The following CADPS2 variants were observed in gnomAD, a reference collection of about 807,000 sequenced individuals.
The protein encoded by CADPS2 is calcium dependent secretion activator 2.
Under a neutral mutation model 172.5 loss-of-function variants are expected in CADPS2, and 93 were observed. The observed-to-expected ratio is 0.54, with a 90% CI of 0.46 to 0.64. The LOEUF (loss-of-function observed/expected upper bound fraction) is 0.64, where lower values mean the gene tolerates loss of function less well. Ranked by LOEUF, CADPS2 falls within the 30% of genes least tolerant of loss-of-function variation. CADPS2 has a pLI of 0.00. For synonymous variants in CADPS2, 546 were observed against 555.2 expected (o/e 0.98, Z 0.23); for missense variants, 1,420 against 1,565.9 (o/e 0.91, Z 1.57).
At chr7:122,384,354 TA>T (rs1163270584) in intron 24 of CADPS2, among the ~76,000 whole-genome samples, 1 of 152,104 alleles carries the variant, frequency 6.6e-6, no homozygotes, top group Non-Finnish European at 1.5e-5. Flanking sequence ...CTTTATAATT[TA>T]GAAAAAACAT....
At chr7:122,375,571 A>C (rs2042242811) in intron 25 of CADPS2, among the ~76,000 whole-genome samples, 1 of 152,084 alleles carries the variant, frequency 6.6e-6, no homozygotes, top group South Asian at 2.1e-4. Flanking sequence ...TTATCTTACA[A>C]CATAAACAAA....
intron 14 of CADPS2, among the ~76,000 whole-genome samples, chr7:122,457,066 C>G (rs1347908097): frequency 6.6e-6 from 1 of 152,172 alleles, no homozygotes; most frequent in Non-Finnish European, 1.5e-5. Flanking sequence ...GAGTAAACAG[C>G]ATTACTCATC....
chr7:122,859,714 G>A (rs575545341), intron 1 of CADPS2, among the ~76,000 whole-genome samples: 8 of 152,088 alleles, frequency 5.3e-5, no homozygotes, highest in Non-Finnish European at 1.0e-4. Context: ...AAATGGCATA[G>A]TATTTACATA....
At chr7:122,533,601 A>G (rs1298803889) in intron 8 of CADPS2, among the ~76,000 whole-genome samples, 1 of 152,180 alleles carries the variant, frequency 6.6e-6, no homozygotes, top group Non-Finnish European at 1.5e-5. Context: ...TAGCTTCCTT[A>G]AGCACATGTA....
At chr7:122,477,401 A>G (rs2056819922) in intron 12 of CADPS2, among the ~76,000 whole-genome samples, 1 of 152,080 alleles carries the variant, frequency 6.6e-6, no homozygotes, top group South Asian at 2.1e-4. Context: ...CTGTAATCCC[A>G]GCTACTTGGG....
intron 9 of CADPS2, among the ~76,000 whole-genome samples, chr7:122,503,063 GCT>G (rs1563529322): frequency 7.1e-6 from 1 of 141,388 alleles, no homozygotes; most frequent in Non-Finnish European, 1.5e-5. Context: ...ACGGGGTCTC[GCT>G]CTGTCGCCCA....
chr7:122,388,447 C>G, intron 23 of CADPS2, 136 bp downstream of exon 23: 1 of 934,754 alleles, frequency 1.1e-6, no homozygotes, highest in Non-Finnish European at 1.5e-6. Context: ...ATCAAGATAA[C>G]CTAATACTCA....
At chr7:122,411,549 A>C (rs529725001) in intron 19 of CADPS2, among the ~76,000 whole-genome samples, 2 of 152,278 alleles carry the variant, frequency 1.3e-5, no homozygotes, top group Non-Finnish European at 2.9e-5. Context: ...AATATAATAA[A>C]AATTTATAAC....
intron 7 of CADPS2, among the ~76,000 whole-genome samples, chr7:122,573,007 A>C (rs1007427961): frequency 2.6e-5 from 4 of 152,102 alleles, no homozygotes; most frequent in African/African-American, 4.8e-5. Flanking sequence ...TCAACTGCCC[A>C]ATGTCTACGA....
At chr7:122,415,781 C>T (rs1043367289) in intron 18 of CADPS2, among the ~76,000 whole-genome samples, 1 of 152,118 alleles carries the variant, frequency 6.6e-6, no homozygotes, top group Non-Finnish European at 1.5e-5. Context: ...GCACAGATCC[C>T]ATCAGTGTTT....
At chr7:122,659,441 TAC>T (rs2080262367) in intron 3 of CADPS2, among the ~76,000 whole-genome samples, 1 of 149,966 alleles carries the variant, frequency 6.7e-6, no homozygotes, top group Non-Finnish European at 1.5e-5. Context: ...CAAACTGAAA[TAC>T]AAAGAGAAAA....
chr7:122,824,208 T>C (rs1804213142), intron 1 of CADPS2, among the ~76,000 whole-genome samples: 1 of 152,212 alleles, frequency 6.6e-6, no homozygotes, highest in African/African-American at 2.4e-5. Context: ...TCACCCAAGA[T>C]AAATATTTTT....
chr7:122,840,828 T>C (rs908462518), intron 1 of CADPS2, among the ~76,000 whole-genome samples: 1 of 152,126 alleles, frequency 6.6e-6, no homozygotes, highest in Admixed American at 6.6e-5. Context: ...TACTATATTT[T>C]GCAGAAATAA....
intron 1 of CADPS2, among the ~76,000 whole-genome samples, chr7:122,760,123 G>A (rs2093328071): frequency 6.6e-6 from 1 of 151,594 alleles, no homozygotes; most frequent in African/African-American, 2.4e-5. Context: ...GGCATACATA[G>A]ATATAGACAC....
intron 19 of CADPS2, among the ~76,000 whole-genome samples, chr7:122,408,143 A>G (rs1472581644): frequency 6.6e-6 from 1 of 151,840 alleles, no homozygotes; most frequent in Non-Finnish European, 1.5e-5. Flanking sequence ...CACTTTTAAT[A>G]TAATAGCATA....
At chr7:122,325,349 A>T in intron 29 of CADPS2, 128 bp downstream of exon 29, 1 of 597,164 alleles carries the variant, frequency 1.7e-6, no homozygotes, top group Non-Finnish European at 3.0e-6. Context: ...GGAAGTAAAC[A>T]GTAGCACATC....
At chr7:122,330,571 A>G (rs1024938192) in intron 28 of CADPS2, 2 of 152,210 alleles carry the variant, frequency 1.3e-5, no homozygotes, top group African/African-American at 4.8e-5. Context: ...CCCCAGGCAC[A>G]AGCATTTTGC....
At chr7:122,625,822 G>A (rs2076033730) in intron 4 of CADPS2, among the ~76,000 whole-genome samples, 1 of 151,926 alleles carries the variant, frequency 6.6e-6, no homozygotes, top group Non-Finnish European at 1.5e-5. Flanking sequence ...TAACATGTAT[G>A]TATGCATAAC....
chr7:122,683,234 C>G (rs2083252839), intron 2 of CADPS2, among the ~76,000 whole-genome samples: 1 of 152,188 alleles, frequency 6.6e-6, no homozygotes, highest in Admixed American at 6.5e-5. Flanking sequence ...TCTGTAGTTT[C>G]TGATGCTCAG....
Sources: allele counts gnomAD v4.1 joint callset (sites outside exome capture counted in the v4.1 genomes callset), GRCh38; gene constraint gnomAD v4.1.1; transcripts MANE v1.5; gene names NCBI Gene and HGNC (gene_info 2026-07-23, HGNC 2026-07-21).